FZD3: variants seen among roughly 807,000 people sequenced by gnomAD.
FZD3 encodes the protein frizzled-3.
In FZD3, 30 loss-of-function variants were observed where a neutral mutation model predicts 60.7. The ratio of observed to expected loss-of-function variants is 0.49; its 90% CI spans 0.37 to 0.67. FZD3 has a LOEUF of 0.67. FZD3 is among the 30% of genes least tolerant of loss of function. The pLI, the probability that FZD3 is intolerant of heterozygous loss-of-function variation, is 0.00. For synonymous variants in FZD3, 246 were observed against 275.2 expected (o/e 0.89, Z 1.05); for missense variants, 605 against 838.7 (o/e 0.72, Z 3.44).
chr8:28,568,896 A>G lies in FZD3; in HGVS notation c.*5885A>G, dbSNP rs1421192963. ...GGTGTGAAAGCGTTGCTTATACTTT[A>G]TGCTCATTTTATTGGTCACTGTCAC... On this transcript the variant is annotated 3_prime_UTR_variant, in exon 8 of 8. Coordinates refer to ENST00000240093, the MANE Select transcript of FZD3 (RefSeq NM_017412.4). 6.6e-6 allele frequency: 1 copy of G among 152,094 alleles called. No homozygotes were observed. The highest frequency in any genetic ancestry group is 6.5e-5 in the Admixed American group (1 of 15,270). The allele number at this position is 152,094 out of a possible 1,614,324, so 9.4% of individuals were successfully genotyped here. A position where few individuals can be genotyped will look rare whatever the true frequency, so the allele number is the denominator to read the frequency against.
chr8:28,496,157 C>G (rs1803837964), intron 1 of FZD3, among the ~76,000 whole-genome samples: 1 of 152,186 alleles, frequency 6.6e-6, no homozygotes, highest in South Asian at 2.1e-4. Flanking sequence ...AGTGCACATT[C>G]TTTCTTTGTA....
At chr8:28,557,159 A>G (rs187580972) in intron 7 of FZD3, among the ~76,000 whole-genome samples, 1 of 151,172 alleles carries the variant, frequency 6.6e-6, no homozygotes, top group African/African-American at 2.4e-5. Flanking sequence ...GAGTGAGCTG[A>G]CATCGTGCCA....
chr8:28,544,287 C>T (rs527730098), intron 5 of FZD3, among the ~76,000 whole-genome samples: 34 of 152,000 alleles, frequency 2.2e-4, no homozygotes, highest in African/African-American at 8.2e-4. Context: ...AGTAGTATGC[C>T]ATATCGGAGA....
intron 5 of FZD3, among the ~76,000 whole-genome samples, chr8:28,546,892 C>A (rs1805306791): frequency 1.3e-5 from 2 of 151,948 alleles, no homozygotes; most frequent in South Asian, 2.1e-4. Context: ...ACGGCATGAA[C>A]CTGGGAGGCG....
At chr8:28,559,260 TAAGAA>T (rs1157179229) in intron 7 of FZD3, among the ~76,000 whole-genome samples, 1 of 152,200 alleles carries the variant, frequency 6.6e-6, no homozygotes. Context: ...GAGTCACTAT[TAAGAA>T]AAGAACAACA....
rs1167035288 is a variant in FZD3 at position 28,570,624 on chromosome 8, CAAAAAAAAAAAAA to C, written c.*7614_*7626del. On this transcript the variant is annotated 3_prime_UTR_variant, in exon 8 of 8. Transcript: ENST00000240093. ...TGGGCAACGGAGCGAGACTCTATCT[CAAAAAAAAAAAAA>C]GAAAAAAAAAAAAGTAGAGATTGCA... 5 of 103,748 alleles carry C rather than the reference CAAAAAAAAAAAAA, an allele frequency of 4.8e-5. No homozygotes were observed. Among genetic ancestry groups the C allele is most frequent in the Admixed American group, 2.0e-4 (2 of 9,778 alleles). The allele number at this position is 103,748 out of a possible 1,614,324, so 6.4% of individuals were successfully genotyped here.
At chr8:28,529,370 T>C (rs1804802706) in intron 5 of FZD3, among the ~76,000 whole-genome samples, 1 of 152,216 alleles carries the variant, frequency 6.6e-6, no homozygotes, top group Admixed American at 6.5e-5. Flanking sequence ...TAAATACCTT[T>C]ATTGACGTAC....
intron 5 of FZD3, among the ~76,000 whole-genome samples, chr8:28,538,384 A>G (rs1014584035): frequency 3.3e-5 from 5 of 152,162 alleles, no homozygotes; most frequent in East Asian, 3.9e-4. Flanking sequence ...GTCATGTCCT[A>G]TGCTCAACAA....
intron 5 of FZD3, among the ~76,000 whole-genome samples, chr8:28,542,094 T>C: frequency 7.3e-6 from 1 of 136,508 alleles, no homozygotes; most frequent in African/African-American, 3.2e-5. Context: ...TGAAATCCTT[T>C]TTTTTTTTTT....
intron 6 of FZD3, among the ~76,000 whole-genome samples, chr8:28,553,746 C>T (rs1360434923): frequency 6.6e-6 from 1 of 152,102 alleles, no homozygotes; most frequent in Non-Finnish European, 1.5e-5. Flanking sequence ...CTTATTCTGG[C>T]ATTCAAGAGC....
rs1266081929 is a variant in FZD3, at chr8:28,494,265, G to T, written c.-469G>T. ...GCGCCGGCGTTCCTCGGCCGCTCCG[G>T]GTACCTGAGGGACGCGCGGCCGCCC... On this transcript the variant is annotated 5_prime_UTR_variant, in exon 1 of 8. Transcript: ENST00000240093. 1 of 151,332 alleles carries T rather than the reference G, an allele frequency of 6.6e-6. No homozygotes were observed. Among genetic ancestry groups the T allele is most frequent in the Non-Finnish European group, 1.5e-5 (1 of 67,784 alleles). 9.4% of individuals were successfully genotyped at this position (151,332 alleles called of 1,614,324 possible).
chr8:28,494,803 G>T (rs1248113054), intron 1 of FZD3, among the ~76,000 whole-genome samples: 1 of 152,086 alleles, frequency 6.6e-6, no homozygotes, highest in African/African-American at 2.4e-5. Flanking sequence ...GGGTGCCGGG[G>T]GCCGTAGGCG....
At chr8:28,557,224 A>AAAAG (rs1554540358) in intron 7 of FZD3, among the ~76,000 whole-genome samples, 23 of 133,940 alleles carry the variant, frequency 1.7e-4, no homozygotes, top group African/African-American at 5.6e-4. Context: ...AAAAAAAAAA[A>AAAAG]AAGAAGAAGA....
At position 28,555,862 on chromosome 8, in the gene FZD3, G is replaced by C. The variant is rs962907161; in HGVS notation, c.1678G>C (p.Ala560Pro). 36 of 1,613,746 alleles carry C rather than the reference G, an allele frequency of 2.2e-5. No individual in the cohort carries two copies. The highest frequency in any genetic ancestry group is 3.1e-5 in the Non-Finnish European group (36 of 1,179,736). The change falls in exon 7 of 8, where the codon GCT becomes CCT. Residue 560 changes from alanine to proline, a missense_variant. By Grantham distance (27) the Ala-to-Pro change is conservative. Transcript: ENST00000240093. ...GTSTQGTSTH[A>P]SSTQLAMVDD... Reference sequence around the variant, plus strand: ...TTCCACTCAAGGAACATCCACCCATGCTTCTTCAACTCAGCTGGCTATGGT... The same window carrying C: ...TTCCACTCAAGGAACATCCACCCATCCTTCTTCAACTCAGCTGGCTATGGT...
rs1368394724 is a variant in FZD3 at position 28,568,903 on chromosome 8, T to G, written c.*5892T>G. 1 of 152,124 alleles carries G rather than the reference T, an allele frequency of 6.6e-6. No homozygotes were observed. The highest frequency in any genetic ancestry group is 2.4e-5 in the African/African-American group (1 of 41,454). 9.4% of individuals were successfully genotyped at this position (152,124 alleles called of 1,614,324 possible). A position where few individuals can be genotyped will look rare whatever the true frequency, so the allele number is the denominator to read the frequency against. On this transcript the variant is annotated 3_prime_UTR_variant, in exon 8 of 8. Coordinates refer to ENST00000240093, the MANE Select transcript of FZD3 (RefSeq NM_017412.4). The stretch of plus-strand genomic sequence containing the variant: ...AAGCGTTGCTTATACTTTATGCTCA[T>G]TTTATTGGTCACTGTCACCAGTTTT...
chr8:28,522,767 C>CTTTTTTT (rs35662589), intron 4 of FZD3, among the ~76,000 whole-genome samples: 10 of 96,854 alleles, frequency 1.0e-4, no homozygotes, highest in Middle Eastern at 7.5e-3. Context: ...AGGGAACTTT[C>CTTTTTTT]TTTTTTTTTT....
chr8:28,519,867 C>T (rs1804528697), intron 3 of FZD3, among the ~76,000 whole-genome samples: 1 of 151,922 alleles, frequency 6.6e-6, no homozygotes, highest in African/African-American at 2.4e-5. Context: ...ACTGGTTGTC[C>T]TCTCTCTCCT....
Position 28,563,070 on chromosome 8 carries a change from C to A in FZD3, c.*59C>A. 1 of 1,136,986 alleles carries A rather than the reference C, an allele frequency of 8.8e-7. No individual in the cohort carries two copies. Among genetic ancestry groups the A allele is most frequent in the Non-Finnish European group, 1.3e-6 (1 of 747,750 alleles). 70.4% of individuals were successfully genotyped at this position (1,136,986 alleles called of 1,614,324 possible). On this transcript the variant is annotated 3_prime_UTR_variant, in exon 8 of 8. Coordinates refer to ENST00000240093, the MANE Select transcript of FZD3 (RefSeq NM_017412.4). ...TTAAAAAGCAGATTTTATTCTTTGC[C>A]TTTTGCATGACTGATAGCTGTAACT...
intron 5 of FZD3, among the ~76,000 whole-genome samples, chr8:28,550,783 C>T (rs995335963): frequency 2.0e-5 from 3 of 146,864 alleles, no homozygotes; most frequent in East Asian, 4.0e-4. Flanking sequence ...TGAACCACCA[C>T]GCCTGGCCTA....
Sources: allele counts gnomAD v4.1 joint callset (sites outside exome capture counted in the v4.1 genomes callset), GRCh38; gene constraint gnomAD v4.1.1; transcripts MANE v1.5; gene names NCBI Gene and HGNC (gene_info 2026-07-23, HGNC 2026-07-21).